ULK4: variants seen among roughly 807,000 people sequenced by gnomAD.
The protein encoded by ULK4 is inactive serine/threonine-protein kinase ULK4.
In ULK4, 133 loss-of-function variants were observed where a neutral mutation model predicts 160.6. The observed-to-expected ratio is 0.83, with a 90% CI of 0.72 to 0.96. The LOEUF is 0.96. Ranked by LOEUF, ULK4 falls within the 40% of genes least tolerant of loss-of-function variation. The pLI, the probability that ULK4 is intolerant of heterozygous loss-of-function variation, is 0.00. For missense variants in ULK4, 1,580 were observed against 1,499.5 expected (o/e 1.05, Z -0.89); for synonymous variants, 534 against 539.8 (o/e 0.99, Z 0.15).
chr3:41,445,103 G>T (rs575736101), intron 34 of ULK4, among the ~76,000 whole-genome samples: 73 of 152,184 alleles, frequency 4.8e-4, no homozygotes, highest in African/African-American at 6.3e-4. Context: ...AGCCAAATCA[G>T]GAGTGAACTC....
intron 35 of ULK4, among the ~76,000 whole-genome samples, chr3:41,283,873 A>G (rs1483222396): frequency 2.0e-5 from 3 of 152,120 alleles, no homozygotes; most frequent in African/African-American, 7.2e-5. Context: ...TCTGGATATA[A>G]GAAATACAAA....
At chr3:41,858,005 T>C (rs2042402332) in intron 17 of ULK4, among the ~76,000 whole-genome samples, 1 of 152,040 alleles carries the variant, frequency 6.6e-6, no homozygotes, top group Non-Finnish European at 1.5e-5. Flanking sequence ...TTAGATTTGG[T>C]TTCCCTTGCT....
chr3:41,743,881 C>T (rs1388593080), intron 22 of ULK4, among the ~76,000 whole-genome samples: 4 of 151,320 alleles, frequency 2.6e-5, no homozygotes, highest in African/African-American at 9.8e-5. Context: ...GGCCAGGCAC[C>T]GTGCCTGGAC....
At chr3:41,948,953 T>C (rs1042117101) in intron 2 of ULK4, among the ~76,000 whole-genome samples, 2 of 151,904 alleles carry the variant, frequency 1.3e-5, no homozygotes, top group African/African-American at 2.4e-5. Context: ...GGCATCCAAA[T>C]TGGAAAGGAA....
At chr3:41,645,282 G>A (rs894170430) in intron 30 of ULK4, among the ~76,000 whole-genome samples, 1 of 151,610 alleles carries the variant, frequency 6.6e-6, no homozygotes, top group African/African-American at 2.4e-5. Context: ...TAATTGTGAT[G>A]TTAGGGTGTC....
intron 25 of ULK4, among the ~76,000 whole-genome samples, chr3:41,714,512 T>C (rs776376441): frequency 6.6e-6 from 1 of 152,172 alleles, no homozygotes; most frequent in African/African-American, 2.4e-5. Context: ...ACAAATGTTT[T>C]AGCTTTCCCT....
chr3:41,781,827 T>A (rs1048125138), intron 21 of ULK4, among the ~76,000 whole-genome samples: 1 of 151,964 alleles, frequency 6.6e-6, no homozygotes, highest in African/African-American at 2.4e-5. Context: ...TAATCCCAGC[T>A]ACTCGGGAGG....
intron 27 of ULK4, among the ~76,000 whole-genome samples, chr3:41,691,721 C>T (rs2036306841): frequency 6.6e-6 from 1 of 151,818 alleles, no homozygotes; most frequent in Non-Finnish European, 1.5e-5. Context: ...CACACCAACA[C>T]AAAGAATGAG....
At chr3:41,674,762 C>T (rs1404994677) in intron 29 of ULK4, among the ~76,000 whole-genome samples, 1 of 152,128 alleles carries the variant, frequency 6.6e-6, no homozygotes, top group African/African-American at 2.4e-5. Flanking sequence ...GGATTTGACA[C>T]ATCATTTCCA....
Position 41,755,199 on chromosome 3 carries a change from C to T in ULK4, c.2194-711G>A, listed in dbSNP as rs142850826. Among the ~76,000 whole-genome samples, 290 of 152,172 alleles carry T rather than the reference C, an allele frequency of 1.9e-3. 1 individual carries two copies. The highest frequency in any genetic ancestry group is 6.9e-3 in the African/African-American group (287 of 41,530). ...ATATCAGCAAGATGGCTACAGAGAACAGGAATATATAAGTTCCCAAGAGAG... is the reference window on the plus strand; with the variant it reads ...ATATCAGCAAGATGGCTACAGAGAATAGGAATATATAAGTTCCCAAGAGAG... On this transcript the variant is annotated intron_variant, in intron 21 of 36. Coordinates refer to ENST00000301831, the MANE Select transcript of ULK4 (RefSeq NM_017886.4).
chr3:41,686,907 A>G, intron 27 of ULK4, among the ~76,000 whole-genome samples: 1 of 152,192 alleles, frequency 6.6e-6, no homozygotes, highest in South Asian at 2.1e-4. Flanking sequence ...CATTTTATTT[A>G]TTTTCTGCAT....
chr3:41,316,080 A>T (rs1000527463), intron 35 of ULK4, among the ~76,000 whole-genome samples: 5 of 152,238 alleles, frequency 3.3e-5, no homozygotes, highest in Non-Finnish European at 5.9e-5. Context: ...CACACAAAAC[A>T]CATATACAAA....
chr3:41,891,364 AGG>A (rs1697957319), intron 16 of ULK4, among the ~76,000 whole-genome samples: 2 of 144,372 alleles, frequency 1.4e-5, no homozygotes, highest in African/African-American at 2.6e-5. Flanking sequence ...GGAGGGAGGG[AGG>A]CAGGCAGGCA....
chr3:41,780,112 T>C (rs1253955166), intron 21 of ULK4, among the ~76,000 whole-genome samples: 2 of 150,952 alleles, frequency 1.3e-5, no homozygotes, highest in Non-Finnish European at 2.9e-5. Flanking sequence ...AAGAGCTCGA[T>C]AGCAGCCTGG....
At chr3:41,884,771 C>A (rs574390620) in intron 16 of ULK4, among the ~76,000 whole-genome samples, 37 of 152,304 alleles carry the variant, frequency 2.4e-4, no homozygotes, top group African/African-American at 8.7e-4. Context: ...TGCGTTATCA[C>A]AACTCTAACA....
At chr3:41,865,509 T>C (rs2042596275) in intron 17 of ULK4, among the ~76,000 whole-genome samples, 1 of 152,118 alleles carries the variant, frequency 6.6e-6, no homozygotes, top group Non-Finnish European at 1.5e-5. Context: ...CACACCTCTC[T>C]TTCCCTCCAT....
chr3:41,529,446 T>G (rs1337107569), intron 32 of ULK4, among the ~76,000 whole-genome samples: 2 of 152,200 alleles, frequency 1.3e-5, no homozygotes, highest in East Asian at 1.9e-4. Context: ...AAACACCTGA[T>G]GAAAATAAGC....
chr3:41,335,534 CT>C (rs1490332411), intron 35 of ULK4, among the ~76,000 whole-genome samples: 1 of 152,058 alleles, frequency 6.6e-6, no homozygotes, highest in Non-Finnish European at 1.5e-5. Flanking sequence ...GAGATAAAGA[CT>C]TTTTCCCCTT....
intron 32 of ULK4, among the ~76,000 whole-genome samples, chr3:41,483,538 A>G (rs1005466006): frequency 2.0e-5 from 3 of 152,172 alleles, no homozygotes; most frequent in Non-Finnish European, 2.9e-5. Flanking sequence ...AATAATGTAG[A>G]AAATAATGAT....
Sources: allele counts gnomAD v4.1 joint callset (sites outside exome capture counted in the v4.1 genomes callset), GRCh38; gene constraint gnomAD v4.1.1; transcripts MANE v1.5; gene names NCBI Gene and HGNC (gene_info 2026-07-23, HGNC 2026-07-21).